TMEM63A: variants seen among roughly 807,000 people sequenced by gnomAD.
TMEM63A encodes the protein mechanosensitive cation channel TMEM63A.
In TMEM63A, 76 loss-of-function variants were observed where a neutral mutation model predicts 100.6. The ratio of observed to expected loss-of-function variants is 0.76; its 90% confidence interval spans 0.63 to 0.91. TMEM63A has a LOEUF of 0.91. Among genes scored for constraint, TMEM63A ranks in the 40% least tolerant of loss-of-function variants. The pLI is 0.00. For missense variants in TMEM63A, 876 were observed against 1,008.8 expected (o/e 0.87, Z 1.78); for synonymous variants, 401 against 401.1 (o/e 1.00, Z 0.00).
At position 225,865,012 on chromosome 1, in the gene TMEM63A, T is replaced by A. The variant is rs774638417; in HGVS notation, c.746+885A>T. 1 of 152,230 alleles carries A rather than the reference T, an allele frequency of 6.6e-6. No individual in the cohort carries two copies. The highest frequency in any genetic ancestry group is 2.1e-4 in the South Asian group (1 of 4,826). 9.4% of individuals were successfully genotyped at this position (152,230 alleles called of 1,614,324 possible). ...GCCATGTGTCTGCAGTCCCAGCTAC[T>A]TGGGAGGCTGAGGCAGGAAGATGCC... On this transcript the variant is annotated intron_variant, in intron 10 of 24. Coordinates refer to ENST00000366835, the MANE Select transcript of TMEM63A (RefSeq NM_014698.3). This position sits in a 1 kb window ranked among gnomAD's most constrained non-coding sequence, Gnocchi z 4.6.
chr1:225,880,741 T>C (rs1342811401), intron 1 of TMEM63A, among the ~76,000 whole-genome samples: 2 of 152,226 alleles, frequency 1.3e-5, no homozygotes, highest in African/African-American at 4.8e-5. Flanking sequence ...GGCAAGCGTC[T>C]GATTGTGGCC....
rs958602130 is a variant in TMEM63A, at chr1:225,871,459, T to C, written c.334-346A>G. ...AAAGAGAGGAAACAAGCCTAATGGA[T>C]TGGACGGTCCGCTGGAGTGGGTGTT... On this transcript the variant is annotated intron_variant, in intron 5 of 24. Coordinates refer to ENST00000366835, the MANE Select transcript of TMEM63A (RefSeq NM_014698.3). 1.0e-4 allele frequency: 27 copies of C among 269,624 alleles called. No homozygotes were observed. The South Asian group carries it at 1.4e-3, about 14-fold the overall frequency. The allele number at this position is 269,624 out of a possible 1,614,324, so 16.7% of individuals were successfully genotyped here.
rs1473689647 is a variant in TMEM63A at position 225,862,001 on chromosome 1, C to G, written c.1085+217G>C. 1.0e-5 allele frequency: 7 copies of G among 699,654 alleles called. No homozygotes were observed. The East Asian group carries it at 2.0e-4, about 20-fold the overall frequency. 43.3% of individuals were successfully genotyped at this position (699,654 alleles called of 1,614,324 possible). A position where few individuals can be genotyped will look rare whatever the true frequency, so the allele number is the denominator to read the frequency against. ...AGGGGGTCAGCCAGAATCACCCACT[C>G]CGTGGCTGCTGCCCACACCCCCACC... On this transcript the variant is annotated intron_variant, in intron 13 of 24. Coordinates refer to ENST00000366835, the MANE Select transcript of TMEM63A (RefSeq NM_014698.3). This position sits in a 1 kb window ranked among gnomAD's most constrained non-coding sequence, Gnocchi z 5.1.
Position 225,853,252 on chromosome 1 carries a change from A to G in TMEM63A, c.1797+377T>C, listed in dbSNP as rs1669444783. ...AAGAGAAAGCCACACCCTCCAGTTC[A>G]GGGAATCCTGGAATAAATGCCACAA... On this transcript the variant is annotated intron_variant, in intron 19 of 24. Coordinates refer to ENST00000366835, the MANE Select transcript of TMEM63A (RefSeq NM_014698.3). The surrounding 1 kb of genome is among the most constrained non-coding windows in gnomAD (Gnocchi z 4.0). Among the ~76,000 whole-genome samples the G allele has an allele frequency of 6.6e-6, 1 of 152,248 alleles. No homozygotes were observed. The highest frequency in any genetic ancestry group is 6.5e-5 in the Admixed American group (1 of 15,282).
At chr1:225,845,287 G>C, downstream of TMEM63A, 1 of 1,613,108 alleles carries the variant, frequency 6.2e-7, no homozygotes, top group Non-Finnish European at 8.5e-7. Flanking sequence ...CGGCCTTTGA[G>C]GAGCCGGAGC....
rs976545675 is a variant in TMEM63A at position 225,863,924 on chromosome 1, A to G, written c.747-1073T>C. 1.0e-4 allele frequency: 15 copies of G among 148,026 alleles called. No homozygotes were observed. In the East Asian group the frequency reaches 3.0e-3, roughly 29 times the overall value. The allele number at this position is 148,026 out of a possible 1,614,324, so 9.2% of individuals were successfully genotyped here. ...AGTGAGACTCCGTCTCAAAAAAAAAAAAAAAAAAAAAAAAAACCCAGCAAA... is the reference window on the plus strand; with the variant it reads ...AGTGAGACTCCGTCTCAAAAAAAAAGAAAAAAAAAAAAAAAACCCAGCAAA... On this transcript the variant is annotated intron_variant, in intron 10 of 24. Coordinates refer to ENST00000366835, the MANE Select transcript of TMEM63A (RefSeq NM_014698.3).
rs1213111924 is a variant in TMEM63A at position 225,857,376 on chromosome 1, C to CGGGGTGGGGGGGGGGGGGGGGG, written c.1378-360_1378-359insCCCCCCCCCCCCCCCCCACCCC. On this transcript the variant is annotated intron_variant, in intron 15 of 24. Transcript: ENST00000366835. ...AACACCGAAGGCCTGGAGTCCTGGC[C>CGGGGTGGGGGGGGGGGGGGGGG]GGCGGGGCGGGGGGGGGGGGGTGCC... 3.4e-3 allele frequency among the ~76,000 whole-genome samples: 11 copies of CGGGGTGGGGGGGGGGGGGGGGG among 3,260 alleles called. 1 individual carries two copies. The highest frequency in any genetic ancestry group is 6.5e-3 in the Admixed American group (2 of 306). The allele number at this position is 3,260 out of a possible 152,430, so 2.1% of individuals were successfully genotyped here. A position where few individuals can be genotyped will look rare whatever the true frequency, so the allele number is the denominator to read the frequency against.
chr1:225,849,338 T>C (rs1021257873), intron 21 of TMEM63A, among the ~76,000 whole-genome samples: 5 of 152,152 alleles, frequency 3.3e-5, no homozygotes, highest in Admixed American at 2.0e-4. Flanking sequence ...TGCCCTGGGC[T>C]AGAGAGGATG....
chr1:225,847,499 G>A, intron 23 of TMEM63A: 1 of 323,258 alleles, frequency 3.1e-6, no homozygotes, highest in Non-Finnish European at 5.7e-6. Flanking sequence ...CTGGATCCTA[G>A]GAGGATTTCT....
chr1:225,844,962 T>G (rs905562985), downstream of TMEM63A, among the ~76,000 whole-genome samples: 2 of 152,050 alleles, frequency 1.3e-5, no homozygotes, highest in Non-Finnish European at 2.9e-5. Context: ...TGGGTGGCCC[T>G]CCCAGAAAAG....
rs541927580 is a variant in TMEM63A, at chr1:225,879,854, A to C, written c.-205-444T>G. On this transcript the variant is annotated intron_variant, in intron 1 of 24. Transcript: ENST00000366835. Reference sequence around the variant, plus strand: ...AATCAGGAAAAGGGAACACAGCAGCATGAACAAGGAAGGCTTGAAATGTGA... The same window carrying C: ...AATCAGGAAAAGGGAACACAGCAGCCTGAACAAGGAAGGCTTGAAATGTGA... Among the ~76,000 whole-genome samples the C allele has an allele frequency of 2.0e-5, 3 of 152,368 alleles. 1 individual carries two copies. In the South Asian group the frequency reaches 6.2e-4, roughly 32 times the overall value.
rs371902873 is a variant in TMEM63A at position 225,874,315 on chromosome 1, C to T, written c.239G>A (p.Arg80His). 1.2e-5 allele frequency: 20 copies of T among 1,613,896 alleles called. No homozygotes were observed. The highest frequency in any genetic ancestry group is 1.5e-5 in the Non-Finnish European group (18 of 1,180,012). Residue 80 changes from arginine to histidine, a missense_variant, in exon 4 of 25, where the codon CGC (arginine) becomes CAC (histidine). By Grantham distance (29) the Arg-to-His change is conservative. Around this residue, in one of 5 missense-constraint regions of TMEM63A, gnomAD observed 487 missense variants for 581.9 expected, o/e 0.84. Coordinates refer to ENST00000366835, the MANE Select transcript of TMEM63A (RefSeq NM_014698.3). ...IIRRRFWDYGRIALVSEADSE... is the reference protein window; with the variant it reads ...IIRRRFWDYGHIALVSEADSE... ...GTCTGCTTCTGACACCAGGGCAATG[C>T]GGCCATAGTCCCAGAATCTTCTTCT... is the stretch of plus-strand genomic sequence containing the variant.
chr1:225,858,702 C>A (rs532014309), intron 15 of TMEM63A, among the ~76,000 whole-genome samples: 5 of 152,108 alleles, frequency 3.3e-5, no homozygotes, highest in African/African-American at 4.8e-5. Context: ...CCCCAATCAA[C>A]GAAGCTTTTT....
At chr1:225,869,657 T>TTTTCC (rs1670393459) in intron 6 of TMEM63A, among the ~76,000 whole-genome samples, 3 of 22,294 alleles carry the variant, frequency 1.3e-4, no homozygotes, top group Non-Finnish European at 4.2e-4. Flanking sequence ...TTCATATTTC[T>TTTTCC]TTTCTTTTCT....
At chr1:225,842,260 T>C, downstream of TMEM63A, 4 of 873,314 alleles carry the variant, frequency 4.6e-6, no homozygotes, top group Admixed American at 1.9e-5. Flanking sequence ...CGTGGCTTCC[T>C]GCACACAGCC....
In TMEM63A at chr1:225,853,847, A is replaced by G; in HGVS notation, c.1635-56T>C. The stretch of plus-strand genomic sequence containing the variant: ...TGAGAGCCGCTCTTGGAGGGAGAGG[A>G]GGGGCCCCTAGGCTGGGCAGGAGCA... On this transcript the variant is annotated intron_variant, in intron 18 of 24. Coordinates refer to ENST00000366835, the MANE Select transcript of TMEM63A (RefSeq NM_014698.3). The surrounding 1 kb of genome is among the most constrained non-coding windows in gnomAD (Gnocchi z 4.0). 6.7e-7 allele frequency: 1 copy of G among 1,495,312 alleles called. No individual in the cohort carries two copies. Among genetic ancestry groups the G allele is most frequent in the Non-Finnish European group, 8.9e-7 (1 of 1,121,430 alleles). 92.6% of individuals were successfully genotyped at this position (1,495,312 alleles called of 1,614,324 possible). A position where few individuals can be genotyped will look rare whatever the true frequency, so the allele number is the denominator to read the frequency against.
intron 4 of TMEM63A, 80 bp downstream of exon 4, chr1:225,874,208 G>A (rs995945370): frequency 8.9e-6 from 12 of 1,354,894 alleles, no homozygotes; most frequent in East Asian, 2.3e-5. Context: ...ATGCACACAC[G>A]CACATATACA....
At chr1:225,866,427 T>C (rs1670213598) in intron 9 of TMEM63A, 147 bp downstream of exon 9, 2 of 652,078 alleles carry the variant, frequency 3.1e-6, no homozygotes, top group East Asian at 2.8e-5. Context: ...TGGTGCCAAG[T>C]GTGAGCAAGA....
Position 225,849,965 on chromosome 1 carries a change from G to A in TMEM63A, c.2018C>T (p.Ala673Val). 2.5e-6 allele frequency: 4 copies of A among 1,614,232 alleles called. No individual in the cohort carries two copies. Among genetic ancestry groups the A allele is most frequent in the Non-Finnish European group, 3.4e-6 (4 of 1,180,034 alleles). Reference sequence around the variant, plus strand: ...CCAGAAGAGGCACAGGATGGGGGCTGCCAAGGCCTGGTTCACAGCGGCAAA... The same window carrying A: ...CCAGAAGAGGCACAGGATGGGGGCTACCAAGGCCTGGTTCACAGCGGCAAA... ...IHFAAVNQAL[A>V]APILCLFWLY... The change falls in exon 21 of 25, where the codon GCA (alanine) becomes GTA (valine). Residue 673 changes from alanine (A) to valine (V), a missense_variant. By Grantham distance (64) the Ala-to-Val change is moderately conservative (BLOSUM62 0). Transcript: ENST00000366835.
Sources: gnomAD v4.1 joint callset for allele counts (sites outside exome capture counted in the v4.1 genomes callset) on GRCh38, gnomAD v4.1.1 for gene constraint, gnomAD v4.1.1 regional missense constraint, Gnocchi (gnomAD v3.1) non-coding constraint, MANE v1.5 for transcripts, NCBI Gene and HGNC (gene_info 2026-07-23, HGNC 2026-07-21) for gene names.